Variants in PRKCB observed in about 807,000 individuals in gnomAD.
The protein encoded by PRKCB is protein kinase C beta.
Under a neutral mutation model 81.5 loss-of-function variants are expected in PRKCB, and 13 were observed. The observed-to-expected ratio is 0.16, with a 90% CI of 0.10 to 0.25. The LOEUF is 0.25. PRKCB is among the 10% of genes least tolerant of loss of function. The pLI is 1.00. For synonymous variants in PRKCB, 335 were observed against 321.4 expected, an observed-to-expected ratio of 1.04 and a Z score of -0.45; for missense variants, 509 against 875.7, an observed-to-expected ratio of 0.58 and a Z score of 5.29.
chr16:24,123,212 T>C (rs191282727), intron 8 of PRKCB, among the ~76,000 whole-genome samples: 13 of 152,174 alleles, frequency 8.5e-5, no homozygotes, highest in African/African-American at 2.9e-4. Context: ...CCAAGCTGGG[T>C]TGCTGAAGGG....
intron 3 of PRKCB, among the ~76,000 whole-genome samples, chr16:23,996,999 A>G (rs1161955046): frequency 3.9e-5 from 6 of 152,198 alleles, no homozygotes; most frequent in Non-Finnish European, 4.4e-5. Context: ...TATTACCCCT[A>G]GTAATTTTAC....
chr16:23,996,080 T>C (rs1003357074), intron 3 of PRKCB, among the ~76,000 whole-genome samples: 1 of 151,972 alleles, frequency 6.6e-6, no homozygotes. Flanking sequence ...TTTGACTGGC[T>C]GGGCAGGGAC....
chr16:24,185,652 G>C, intron 15 of PRKCB, 85 bp downstream of exon 15: 2 of 1,129,888 alleles, frequency 1.8e-6, no homozygotes, highest in South Asian at 2.7e-5. Context: ...CCCACCAGGG[G>C]GGAACACAGC....
At chr16:23,883,793 G>T (rs534309281) in intron 2 of PRKCB, among the ~76,000 whole-genome samples, 1 of 152,130 alleles carries the variant, frequency 6.6e-6, no homozygotes, top group Non-Finnish European at 1.5e-5. Context: ...TTTGAACTTC[G>T]TAGCAATCCC....
intron 9 of PRKCB, among the ~76,000 whole-genome samples, chr16:24,132,159 T>C (rs1966854266): frequency 6.6e-6 from 1 of 152,182 alleles, no homozygotes; most frequent in Non-Finnish European, 1.5e-5. Flanking sequence ...CTTATCCTTT[T>C]GTATTATGTC....
At chr16:24,182,540 GA>G (rs894642136) in intron 13 of PRKCB, among the ~76,000 whole-genome samples, 1 of 152,024 alleles carries the variant, frequency 6.6e-6, no homozygotes, top group African/African-American at 2.4e-5. Context: ...AAGAAAGAAA[GA>G]AAGAAAGTGT....
At chr16:24,112,017 A>G (rs922996307) in intron 7 of PRKCB, among the ~76,000 whole-genome samples, 1 of 152,238 alleles carries the variant, frequency 6.6e-6, no homozygotes, top group Admixed American at 6.5e-5. Context: ...TTATGAGATG[A>G]GATTTGCACC....
chr16:24,005,053 T>G (rs550009157), intron 3 of PRKCB, among the ~76,000 whole-genome samples: 2 of 152,314 alleles, frequency 1.3e-5, no homozygotes, highest in South Asian at 4.1e-4. Context: ...ATAAGGGGAA[T>G]GTTCTGTGTC....
At chr16:24,049,826 A>C (rs1965818826) in intron 5 of PRKCB, among the ~76,000 whole-genome samples, 1 of 152,226 alleles carries the variant, frequency 6.6e-6, no homozygotes, top group African/African-American at 2.4e-5. Context: ...CCACCTTAGC[A>C]TTGTGGGTGC....
chr16:24,096,666 A>AATTAT (rs1966447102), intron 7 of PRKCB, among the ~76,000 whole-genome samples: 1 of 32,714 alleles, frequency 3.1e-5, no homozygotes, highest in Non-Finnish European at 6.1e-5. Context: ...AAAAAAAAAA[A>AATTAT]ATATATATAT....
intron 5 of PRKCB, among the ~76,000 whole-genome samples, chr16:24,048,027 C>T (rs941778555): frequency 1.1e-4 from 16 of 152,216 alleles, no homozygotes; most frequent in African/African-American, 3.9e-4. Context: ...GAACCCAGCA[C>T]AGTGCTAGCC....
At chr16:24,130,819 A>G (rs554204989) in intron 9 of PRKCB, among the ~76,000 whole-genome samples, 10 of 152,286 alleles carry the variant, frequency 6.6e-5, no homozygotes, top group East Asian at 3.9e-4. Flanking sequence ...CCTACTCTCT[A>G]TTAGAGAAAA....
At chr16:24,172,018 C>T (rs570595115) in intron 10 of PRKCB, among the ~76,000 whole-genome samples, 1 of 152,302 alleles carries the variant, frequency 6.6e-6, no homozygotes, top group Admixed American at 6.5e-5. Flanking sequence ...GCTGGGATTA[C>T]AGCTGTGAGC....
intron 2 of PRKCB, among the ~76,000 whole-genome samples, chr16:23,882,022 C>CTTTCTCTTTCTTTCTTTCTTTCTCTTTCT (rs1567301134): frequency 3.5e-5 from 2 of 57,412 alleles, no homozygotes; most frequent in Non-Finnish European, 7.0e-5. Flanking sequence ...TTCTTTCTTT[C>CTTTCTCTTTCTTTCTTTCTTTCTCTTTCT]TTCCTTCCTT....
At chr16:23,956,915 G>A (rs1432586680) in intron 2 of PRKCB, among the ~76,000 whole-genome samples, 2 of 138,530 alleles carry the variant, frequency 1.4e-5, no homozygotes, top group Non-Finnish European at 3.0e-5. Flanking sequence ...CCATGTGGAA[G>A]GATGCTGAGT....
At chr16:23,960,220 C>T (rs1466047584) in intron 2 of PRKCB, among the ~76,000 whole-genome samples, 3 of 152,120 alleles carry the variant, frequency 2.0e-5, no homozygotes, top group African/African-American at 7.2e-5. Flanking sequence ...CAAACACTTC[C>T]TTTTTTAAAA....
intron 3 of PRKCB, among the ~76,000 whole-genome samples, chr16:24,027,254 C>T (rs73542884): frequency 0.17 from 25,759 of 151,966 alleles, 2,330 homozygotes; most frequent in East Asian, 0.26. Flanking sequence ...GTTTGATTTT[C>T]GAACAGGTGT....
intron 3 of PRKCB, among the ~76,000 whole-genome samples, chr16:23,992,392 A>G (rs955685682): frequency 6.6e-6 from 1 of 152,220 alleles, no homozygotes; most frequent in African/African-American, 2.4e-5. Flanking sequence ...TTCTAGTAGT[A>G]AAGAGAGCCT....
At chr16:24,187,707 C>A (rs1967726251) in intron 15 of PRKCB, among the ~76,000 whole-genome samples, 1 of 151,740 alleles carries the variant, frequency 6.6e-6, no homozygotes, top group Admixed American at 6.6e-5. Context: ...TTATCAATGT[C>A]TCGCTCTGTC....
Sources: allele counts gnomAD v4.1 joint callset (sites outside exome capture counted in the v4.1 genomes callset), GRCh38; gene constraint gnomAD v4.1.1; transcripts MANE v1.5; gene names NCBI Gene and HGNC (gene_info 2026-07-23, HGNC 2026-07-21).